ATXN1: variants seen among roughly 807,000 people sequenced by gnomAD.
ATXN1 encodes ataxin 1.
Under a neutral mutation model 56.4 loss-of-function variants are expected in ATXN1, and 8 were observed. That is an observed-to-expected ratio of 0.14 (90% CI 0.08 to 0.26). The LOEUF (loss-of-function observed/expected upper bound fraction) is 0.26. Among genes scored for constraint, ATXN1 ranks in the 10% least tolerant of loss-of-function variants. The pLI is 1.00. For missense variants in ATXN1, 987 were observed against 1,106.5 expected, an observed-to-expected ratio of 0.89 and a Z score of 1.53; for synonymous variants, 514 against 494.6, an observed-to-expected ratio of 1.04 and a Z score of -0.52.
At chr6:16,570,939 C>T (rs996111732) in intron 4 of ATXN1, among the ~76,000 whole-genome samples, 1 of 149,740 alleles carries the variant, frequency 6.7e-6, no homozygotes, top group African/African-American at 2.4e-5. Context: ...TTATGTGCTT[C>T]CTGTGTGGTG....
chr6:16,393,418 T>A (rs985716507), intron 6 of ATXN1, among the ~76,000 whole-genome samples: 1 of 152,084 alleles, frequency 6.6e-6, no homozygotes, highest in African/African-American at 2.4e-5. Flanking sequence ...AATTTTTTTG[T>A]AGAGAGGAGT....
intron 2 of ATXN1, among the ~76,000 whole-genome samples, chr6:16,692,493 A>G (rs1010045496): frequency 2.0e-5 from 3 of 152,224 alleles, no homozygotes; most frequent in Non-Finnish European, 4.4e-5. Flanking sequence ...TAATCAAAAG[A>G]TTTGTCTATT....
At chr6:16,457,758 T>C (rs925900325) in intron 6 of ATXN1, among the ~76,000 whole-genome samples, 8 of 152,188 alleles carry the variant, frequency 5.3e-5, no homozygotes, top group African/African-American at 1.9e-4. Context: ...CTCCATATCC[T>C]AGCCTCCCTA....
chr6:16,337,196 C>T (rs904461730), intron 6 of ATXN1, among the ~76,000 whole-genome samples: 1 of 152,226 alleles, frequency 6.6e-6, no homozygotes, highest in Non-Finnish European at 1.5e-5. Flanking sequence ...GAGGGCCAGG[C>T]TTCATCAATT....
intron 2 of ATXN1, among the ~76,000 whole-genome samples, chr6:16,719,271 A>T (rs749315987): frequency 2.5e-4 from 38 of 152,154 alleles, no homozygotes; most frequent in Non-Finnish European, 4.4e-4. Flanking sequence ...ATAAACATAC[A>T]TTTTTTTATA....
At chr6:16,579,480 G>GCCC (rs796374864) in intron 4 of ATXN1, among the ~76,000 whole-genome samples, 47 of 21,862 alleles carry the variant, frequency 2.1e-3, no homozygotes, top group Admixed American at 4.7e-3. Context: ...CTTGGTCAAA[G>GCCC]CCCCCCCCCC....
intron 5 of ATXN1, among the ~76,000 whole-genome samples, chr6:16,490,569 G>A (rs1387316996): frequency 6.6e-6 from 1 of 152,152 alleles, no homozygotes; most frequent in Non-Finnish European, 1.5e-5. Context: ...TCTAAATGCA[G>A]TGACCTTTGC....
intron 2 of ATXN1, among the ~76,000 whole-genome samples, chr6:16,733,678 T>C (rs1211451032): frequency 1.3e-5 from 2 of 151,846 alleles, no homozygotes; most frequent in Non-Finnish European, 2.9e-5. Context: ...AGAAACCCCA[T>C]CTTGACTAAA....
chr6:16,444,055 G>A (rs929719085), intron 6 of ATXN1, among the ~76,000 whole-genome samples: 1 of 151,464 alleles, frequency 6.6e-6, no homozygotes, highest in African/African-American at 2.4e-5. Context: ...GGTGGAGCTT[G>A]CAGTGAGCCG....
chr6:16,542,822 A>C (rs1031015974), intron 4 of ATXN1, among the ~76,000 whole-genome samples: 2 of 151,240 alleles, frequency 1.3e-5, no homozygotes, highest in African/African-American at 4.9e-5. Flanking sequence ...AATAAGTCAC[A>C]GTAAGAGATT....
At chr6:16,570,012 C>A (rs971262833) in intron 4 of ATXN1, among the ~76,000 whole-genome samples, 1 of 152,172 alleles carries the variant, frequency 6.6e-6, no homozygotes, top group Non-Finnish European at 1.5e-5. Flanking sequence ...TGCAGAACAC[C>A]CCAAGTTATC....
chr6:16,520,329 T>G (rs1024936149), intron 5 of ATXN1, among the ~76,000 whole-genome samples: 1 of 152,182 alleles, frequency 6.6e-6, no homozygotes, highest in Non-Finnish European at 1.5e-5. Context: ...TGTGTTTAGT[T>G]TTTTCTCATT....
In ATXN1 at chr6:16,500,983, G is replaced by C. The variant is rs576782882; in HGVS notation, c.-298-14874C>G. Reference sequence around the variant, plus strand: ...ATTAACTAGCCTTGACACAATAGTAGAACAAATCAGAATTGGTAAAATGTA... The same window carrying C: ...ATTAACTAGCCTTGACACAATAGTACAACAAATCAGAATTGGTAAAATGTA... On this transcript the variant is annotated intron_variant, in intron 5 of 7. Transcript: ENST00000436367. Among the ~76,000 whole-genome samples, 17 of 152,302 alleles carry C rather than the reference G, an allele frequency of 1.1e-4. No individual in the cohort carries two copies. The South Asian group carries it at 3.3e-3, about 30-fold the overall frequency.
chr6:16,549,358 C>T (rs1248678717), intron 4 of ATXN1, among the ~76,000 whole-genome samples: 1 of 152,122 alleles, frequency 6.6e-6, no homozygotes, highest in Non-Finnish European at 1.5e-5. Flanking sequence ...TAATGAGTTG[C>T]ACTAGGACAT....
intron 6 of ATXN1, among the ~76,000 whole-genome samples, chr6:16,365,965 T>C (rs531260558): frequency 6.6e-6 from 1 of 152,322 alleles, no homozygotes; most frequent in Admixed American, 6.5e-5. Flanking sequence ...CCATATCTAC[T>C]ATTGTAAAAT....
chr6:16,456,622 A>C (rs917759769), intron 6 of ATXN1, among the ~76,000 whole-genome samples: 2 of 152,148 alleles, frequency 1.3e-5, no homozygotes, highest in African/African-American at 4.8e-5. Context: ...TAGCCCAAAC[A>C]AGACTCACCC....
chr6:16,680,394 T>C (rs1396763791), intron 2 of ATXN1, among the ~76,000 whole-genome samples: 1 of 152,224 alleles, frequency 6.6e-6, no homozygotes, highest in African/African-American at 2.4e-5. Flanking sequence ...ATCTACAGTG[T>C]GCTGAGTTCC....
chr6:16,407,748 C>T (rs971438284), intron 6 of ATXN1, among the ~76,000 whole-genome samples: 1 of 152,112 alleles, frequency 6.6e-6, no homozygotes, highest in East Asian at 1.9e-4. Context: ...TGCAGACACA[C>T]GGTTAACCCA....
At chr6:16,352,832 A>G (rs1761597953) in intron 6 of ATXN1, among the ~76,000 whole-genome samples, 1 of 152,150 alleles carries the variant, frequency 6.6e-6, no homozygotes, top group Admixed American at 6.5e-5. Context: ...ACAGTATGAG[A>G]TTAATGATAA....
Sources: gnomAD v4.1 joint callset for allele counts (sites outside exome capture counted in the v4.1 genomes callset) on GRCh38, gnomAD v4.1.1 for gene constraint, MANE v1.5 for transcripts, NCBI Gene and HGNC (gene_info 2026-07-23, HGNC 2026-07-21) for gene names.